The following LSM12 variants were observed in gnomAD, a reference collection of about 807,000 sequenced individuals.
The protein encoded by LSM12 is LSM12 homolog.
For synonymous variants in LSM12, 74 were observed against 87.3 expected (o/e 0.85, Z 0.85); for missense variants, 108 against 238.9 (o/e 0.45, Z 3.61).
intron 4 of LSM12, 81 bp from the exon 5 acceptor site, chr17:44,036,381 A>G: frequency 6.4e-7 from 1 of 1,573,472 alleles, no homozygotes. Flanking sequence ...AGGTTTCCAC[A>G]GCCCCATCCT....
At chr17:44,044,155 A>G (rs1435669263) in intron 2 of LSM12, among the ~76,000 whole-genome samples, 1 of 152,166 alleles carries the variant, frequency 6.6e-6, no homozygotes, top group African/African-American at 2.4e-5. Flanking sequence ...ATCTATGCAG[A>G]ATGTTTAAGA....
At chr17:44,042,522 C>A (rs1456076209) in intron 2 of LSM12, among the ~76,000 whole-genome samples, 1 of 150,762 alleles carries the variant, frequency 6.6e-6, no homozygotes, top group Non-Finnish European at 1.5e-5. Flanking sequence ...GTCTCAGCCT[C>A]CAGAGTAGCT....
chr17:44,045,033 T>C lies in LSM12; in HGVS notation c.259-4777A>G, dbSNP rs150166988. Reference sequence around the variant, plus strand: ...CACCAAGATTACTTTTTAAAATCTATTTCTTTTTTTTTGAGACAAAGTCTT... The same window carrying C: ...CACCAAGATTACTTTTTAAAATCTACTTCTTTTTTTTTGAGACAAAGTCTT... On this transcript the variant is annotated intron_variant, in intron 2 of 4. Coordinates refer to ENST00000293406, the MANE Select transcript of LSM12 (RefSeq NM_001371445.1). 5.3e-5 allele frequency among the ~76,000 whole-genome samples: 8 copies of C among 152,272 alleles called. No homozygotes were observed. In the East Asian group the frequency reaches 9.6e-4, roughly 18 times the overall value.
intron 2 of LSM12, among the ~76,000 whole-genome samples, chr17:44,051,389 CAAAAAAAAAAA>C (rs57974319): frequency 0.47 from 54,141 of 114,978 alleles, 12,937 homozygotes; most frequent in Middle Eastern, 0.62. Flanking sequence ...GACTCCGTCT[CAAAAAAAAAAA>C]AAAAAAAAAA....
intron 2 of LSM12, among the ~76,000 whole-genome samples, chr17:44,043,289 C>CT (rs1555623835): frequency 6.6e-6 from 1 of 152,184 alleles, no homozygotes; most frequent in Non-Finnish European, 1.5e-5. Flanking sequence ...CACAGGATCT[C>CT]TAGGACATGG....
intron 2 of LSM12, among the ~76,000 whole-genome samples, chr17:44,055,125 C>T (rs1039475410): frequency 1.3e-5 from 2 of 152,090 alleles, no homozygotes; most frequent in Non-Finnish European, 2.9e-5. Context: ...GCTGGGATTA[C>T]AGGTGTGAGC....
At chr17:44,046,525 G>T (rs1448526389) in intron 2 of LSM12, among the ~76,000 whole-genome samples, 2 of 150,584 alleles carry the variant, frequency 1.3e-5, no homozygotes, top group African/African-American at 4.9e-5. Context: ...GGCTAACACG[G>T]TGAAACCCCG....
intron 2 of LSM12, among the ~76,000 whole-genome samples, chr17:44,041,044 G>C (rs1224604809): frequency 2.8e-5 from 4 of 141,014 alleles, no homozygotes; most frequent in African/African-American, 1.1e-4. Flanking sequence ...CTTCTAACTG[G>C]GTGCATCACT....
chr17:44,049,593 G>C (rs1275508193), intron 2 of LSM12, among the ~76,000 whole-genome samples: 1 of 152,112 alleles, frequency 6.6e-6, no homozygotes, highest in Non-Finnish European at 1.5e-5. Context: ...GTGATTTAAT[G>C]AACACCAAGG....
chr17:44,063,941 A>AG lies in LSM12; in HGVS notation c.125-8dup. ...CCACTGGAAGAGGGACATTCTGGTGAGAAAAAAAAAAGTTAAGGAAAAATA... is the reference window on the plus strand; with the variant it reads ...CCACTGGAAGAGGGACATTCTGGTGAGGAAAAAAAAAAGTTAAGGAAAAATA... On this transcript the variant is annotated splice_region_variant and splice_polypyrimidine_tract_variant and intron_variant, in intron 1 of 4. Transcript: ENST00000293406. 2.5e-6 allele frequency: 4 copies of AG among 1,609,608 alleles called. No homozygotes were observed. Among genetic ancestry groups the AG allele is most frequent in the Non-Finnish European group, 3.4e-6 (4 of 1,178,220 alleles).
chr17:44,054,832 TTTTTC>T (rs1423630846), intron 2 of LSM12, among the ~76,000 whole-genome samples: 1 of 151,190 alleles, frequency 6.6e-6, no homozygotes, highest in East Asian at 1.9e-4. Flanking sequence ...CGACGTTTTC[TTTTTC>T]TTTTTTTTTT....
chr17:44,037,227 AC>A, intron 4 of LSM12, 184 bp downstream of exon 4: 2 of 572,736 alleles, frequency 3.5e-6, no homozygotes, highest in Non-Finnish European at 5.6e-6. Context: ...TTTCCACACC[AC>A]CCAGTGGTTC....
intron 2 of LSM12, among the ~76,000 whole-genome samples, chr17:44,045,840 TG>T (rs1299189848): frequency 6.6e-6 from 1 of 151,968 alleles, no homozygotes; most frequent in African/African-American, 2.4e-5. Context: ...CCTAAGGTGC[TG>T]GGATTACAGG....
chr17:44,042,492 T>C (rs2049507541), intron 2 of LSM12, among the ~76,000 whole-genome samples: 2 of 150,942 alleles, frequency 1.3e-5, no homozygotes, highest in Admixed American at 1.3e-4. Flanking sequence ...CTCCGCCTCC[T>C]GGGTTCAAGC....
intron 2 of LSM12, 24 bp downstream of exon 2, chr17:44,063,777 C>G (rs1361408417): frequency 1.2e-5 from 20 of 1,603,064 alleles, no homozygotes; most frequent in Non-Finnish European, 1.7e-5. Flanking sequence ...TTTTAGAGAG[C>G]CAGATCTGCC....
intron 2 of LSM12, among the ~76,000 whole-genome samples, chr17:44,063,157 GGCC>G (rs2049822574): frequency 6.6e-6 from 1 of 152,086 alleles, no homozygotes; most frequent in Non-Finnish European, 1.5e-5. Context: ...CTACTCAGAA[GGCC>G]GAGGCAGGAG....
chr17:44,044,503 G>GT (rs1053684220), intron 2 of LSM12, among the ~76,000 whole-genome samples: 3 of 152,202 alleles, frequency 2.0e-5, no homozygotes, highest in African/African-American at 7.2e-5. Flanking sequence ...AGAAATGACT[G>GT]TAAGCTGACT....
chr17:44,046,919 A>G (rs1057086875), intron 2 of LSM12, among the ~76,000 whole-genome samples: 4 of 150,802 alleles, frequency 2.7e-5, no homozygotes, highest in Non-Finnish European at 5.9e-5. Flanking sequence ...TTTAGTAGAG[A>G]TGGGGTTTCA....
intron 2 of LSM12, among the ~76,000 whole-genome samples, chr17:44,045,173 GCC>G (rs1182112388): frequency 6.6e-6 from 1 of 152,048 alleles, no homozygotes; most frequent in African/African-American, 2.4e-5. Flanking sequence ...GATTACAGGT[GCC>G]CACCACCACG....
Sources: gnomAD v4.1 joint callset for allele counts (sites outside exome capture counted in the v4.1 genomes callset) on GRCh38, gnomAD v4.1.1 for gene constraint, MANE v1.5 for transcripts, NCBI Gene and HGNC (gene_info 2026-07-23, HGNC 2026-07-21) for gene names.